Variants in ERBB4 observed in about 807,000 individuals in gnomAD.
ERBB4 encodes the protein erb-b2 receptor tyrosine kinase 4.
Under a neutral mutation model 158.0 loss-of-function variants are expected in ERBB4, and 42 were observed. That is an observed-to-expected ratio of 0.27 (90% CI 0.21 to 0.34). The LOEUF is 0.34. Ranked by LOEUF, ERBB4 falls within the 10% of genes least tolerant of loss-of-function variation. The pLI is 1.00. For missense variants in ERBB4, 1,333 were observed against 1,624.1 expected (o/e 0.82, Z 3.08); for synonymous variants, 583 against 558.7 (o/e 1.04, Z -0.61).
intron 20 of ERBB4, among the ~76,000 whole-genome samples, chr2:211,547,849 A>C (rs1477214182): frequency 1.3e-5 from 2 of 152,128 alleles, no homozygotes; most frequent in Non-Finnish European, 2.9e-5. Flanking sequence ...TGTGAATGGC[A>C]GCTGAATAAA....
intron 3 of ERBB4, among the ~76,000 whole-genome samples, chr2:211,889,387 A>C (rs1313673518): frequency 6.8e-6 from 1 of 146,198 alleles, no homozygotes; most frequent in Admixed American, 6.7e-5. Context: ...TCCACACCGA[A>C]AACCCATCTG....
At chr2:211,847,584 T>C (rs1425135069) in intron 3 of ERBB4, among the ~76,000 whole-genome samples, 7 of 152,130 alleles carry the variant, frequency 4.6e-5, no homozygotes, top group Non-Finnish European at 1.0e-4. Flanking sequence ...CCAGAACAGC[T>C]TTGAATGTGG....
intron 1 of ERBB4, among the ~76,000 whole-genome samples, chr2:212,291,365 A>G (rs9288451): frequency 0.54 from 81,331 of 151,930 alleles, 25,431 homozygotes; most frequent in East Asian, 0.83. Context: ...ATATATTTTA[A>G]TCAGCTTTAG....
intron 2 of ERBB4, among the ~76,000 whole-genome samples, chr2:212,089,562 A>G (rs2125489135): frequency 6.6e-6 from 1 of 152,244 alleles, no homozygotes; most frequent in African/African-American, 2.4e-5. Context: ...ACTGCTCATG[A>G]GATCTGGTTG....
chr2:212,363,008 G>A (rs2089749839), intron 1 of ERBB4, among the ~76,000 whole-genome samples: 1 of 151,216 alleles, frequency 6.6e-6, no homozygotes, highest in Non-Finnish European at 1.5e-5. Flanking sequence ...TTTACTGATT[G>A]TATACAATAT....
At chr2:211,969,255 G>A (rs574475048) in intron 2 of ERBB4, among the ~76,000 whole-genome samples, 6 of 152,056 alleles carry the variant, frequency 3.9e-5, no homozygotes, top group Middle Eastern at 3.4e-3. Flanking sequence ...ATTATATGCC[G>A]AGTTGGATGC....
intron 20 of ERBB4, among the ~76,000 whole-genome samples, chr2:211,476,946 C>A (rs1208628706): frequency 6.6e-6 from 1 of 151,998 alleles, no homozygotes; most frequent in East Asian, 1.9e-4. Context: ...AGGGATAAAC[C>A]TATATGTGAT....
chr2:211,835,839 A>G (rs959037992), intron 3 of ERBB4, among the ~76,000 whole-genome samples: 1 of 152,050 alleles, frequency 6.6e-6, no homozygotes, highest in Non-Finnish European at 1.5e-5. Context: ...AAGCAACAAT[A>G]AAGTTGCAAA....
intron 12 of ERBB4, among the ~76,000 whole-genome samples, chr2:211,697,469 T>C (rs1042564447): frequency 6.6e-6 from 1 of 152,038 alleles, no homozygotes; most frequent in Non-Finnish European, 1.5e-5. Flanking sequence ...CATTAGTTTA[T>C]CAAAAGACAA....
chr2:211,882,726 T>C (rs1173331941), intron 3 of ERBB4, among the ~76,000 whole-genome samples: 2 of 152,218 alleles, frequency 1.3e-5, no homozygotes, highest in African/African-American at 4.8e-5. Flanking sequence ...GTTCTTAAAA[T>C]TGTTTAAGTA....
intron 1 of ERBB4, among the ~76,000 whole-genome samples, chr2:212,314,600 T>A (rs866005552): frequency 1.9e-4 from 29 of 151,208 alleles, no homozygotes; most frequent in East Asian, 3.9e-4. Flanking sequence ...TGATTTTTTT[T>A]AAAAAGAATC....
intron 3 of ERBB4, among the ~76,000 whole-genome samples, chr2:211,802,722 C>G (rs528849756): frequency 6.6e-6 from 1 of 152,302 alleles, no homozygotes; most frequent in African/African-American, 2.4e-5. Context: ...CTTAAGCTAG[C>G]TGATATGCAC....
intron 1 of ERBB4, among the ~76,000 whole-genome samples, chr2:212,400,167 G>C (rs548267245): frequency 1.3e-5 from 2 of 152,212 alleles, no homozygotes; most frequent in Admixed American, 6.5e-5. Flanking sequence ...TTTATACCAA[G>C]GACAATAGGA....
At chr2:212,238,385 C>G (rs1342442834) in intron 1 of ERBB4, among the ~76,000 whole-genome samples, 1 of 152,158 alleles carries the variant, frequency 6.6e-6, no homozygotes, top group African/African-American at 2.4e-5. Context: ...CCTGCTTCAG[C>G]TCACCCTTCA....
rs16846698 is a variant in ERBB4, at chr2:211,667,655, G to A, written c.1717-2178C>T. Among the ~76,000 whole-genome samples the A allele has an allele frequency of 7.9e-3, 1,208 of 152,222 alleles. 15 individuals are homozygous for A. Among genetic ancestry groups the A allele is most frequent in the African/African-American group, 0.027 (1,129 of 41,558 alleles). On this transcript the variant is annotated intron_variant, in intron 14 of 27. Transcript: ENST00000342788. ...TACCATGACTTATTGTACAAGACAA[G>A]AGACATGCTGATGTCTTCTTGCAGC...
chr2:211,619,901 C>T (rs1160120157), intron 18 of ERBB4, among the ~76,000 whole-genome samples: 5 of 151,860 alleles, frequency 3.3e-5, no homozygotes, highest in East Asian at 1.9e-4. Context: ...TATGTGTGTG[C>T]GTGAAGGAAT....
At chr2:211,427,270 G>C (rs1447371729) in intron 22 of ERBB4, among the ~76,000 whole-genome samples, 1 of 151,704 alleles carries the variant, frequency 6.6e-6, no homozygotes, top group Non-Finnish European at 1.5e-5. Flanking sequence ...GCTTAAGTTT[G>C]AGTAACATAA....
intron 1 of ERBB4, among the ~76,000 whole-genome samples, chr2:212,307,357 C>G (rs995213809): frequency 2.3e-5 from 3 of 132,324 alleles, no homozygotes; most frequent in Admixed American, 8.3e-5. Context: ...AAAAATAAAT[C>G]ATGCTGACTA....
intron 1 of ERBB4, among the ~76,000 whole-genome samples, chr2:212,206,351 T>C (rs1314440017): frequency 6.6e-6 from 1 of 152,144 alleles, no homozygotes; most frequent in Non-Finnish European, 1.5e-5. Context: ...TCTCTGACCT[T>C]AAGCAAATTA....
Sources: gnomAD v4.1 joint callset for allele counts (sites outside exome capture counted in the v4.1 genomes callset) on GRCh38, gnomAD v4.1.1 for gene constraint, MANE v1.5 for transcripts, NCBI Gene and HGNC (gene_info 2026-07-23, HGNC 2026-07-21) for gene names.